Variants in C2orf76 observed in about 807,000 individuals in gnomAD.
The protein encoded by C2orf76 is chromosome 2 open reading frame 76.
A neutral mutation model predicts 16.9 loss-of-function variants in C2orf76; 23 were observed. The ratio of observed to expected loss-of-function variants is 1.36; its 90% confidence interval spans 0.98 to 1.93. The LOEUF is 1.93. C2orf76 is among the 30% of genes most tolerant of loss of function. The pLI is 0.00. For synonymous variants in C2orf76, 48 were observed against 52.3 expected (o/e 0.92, Z 0.35); for missense variants, 152 against 152.6 (o/e 1.00, Z 0.02).
At chr2:119,281,546 T>A in the C2orf76 span, among the ~76,000 whole-genome samples, 3 of 151,782 alleles carry the variant, frequency 2.0e-5, no homozygotes, top group African/African-American at 7.3e-5. Context: ...AGAATGAGAA[T>A]GACAGAGAGA....
At chr2:119,308,900 C>A (rs1678883582) in intron 5 of C2orf76, among the ~76,000 whole-genome samples, 1 of 152,126 alleles carries the variant, frequency 6.6e-6, no homozygotes, top group Non-Finnish European at 1.5e-5. Context: ...ATATTCATTC[C>A]CGACGGTGGT....
At chr2:119,361,664 C>T (rs1680747837) in intron 1 of C2orf76, among the ~76,000 whole-genome samples, 1 of 152,020 alleles carries the variant, frequency 6.6e-6, no homozygotes, top group East Asian at 1.9e-4. Context: ...TTTTGGCATC[C>T]ATAGGAGGTC....
At chr2:119,297,533 G>A (rs548168674), downstream of C2orf76, among the ~76,000 whole-genome samples, 1 of 152,268 alleles carries the variant, frequency 6.6e-6, no homozygotes, top group South Asian at 2.1e-4. Context: ...TTGAGACAAG[G>A]TCTGGCTCTA....
chr2:119,288,366 T>G, the C2orf76 span, among the ~76,000 whole-genome samples: 7,246 of 151,762 alleles, frequency 0.048, 280 homozygotes, highest in East Asian at 0.13. Flanking sequence ...CCGTGGTCTC[T>G]ATCTCCTGAC....
chr2:119,305,623 C>T (rs1409602929), intron 5 of C2orf76, among the ~76,000 whole-genome samples: 1 of 152,026 alleles, frequency 6.6e-6, no homozygotes, highest in Non-Finnish European at 1.5e-5. Context: ...TAACTGCACA[C>T]TGTTGACAAA....
chr2:119,334,162 G>C (rs538114207), intron 2 of C2orf76, among the ~76,000 whole-genome samples: 73 of 152,178 alleles, frequency 4.8e-4, no homozygotes, highest in African/African-American at 1.7e-3. Flanking sequence ...TTCCAATTCA[G>C]TGACATTCTG....
intron 1 of C2orf76, among the ~76,000 whole-genome samples, chr2:119,349,074 A>G (rs1366264444): frequency 1.3e-5 from 2 of 152,242 alleles, no homozygotes; most frequent in Non-Finnish European, 2.9e-5. Flanking sequence ...ACATGTGAAC[A>G]TAAGCATGGA....
chr2:119,317,991 C>T (rs1402831567), intron 3 of C2orf76, among the ~76,000 whole-genome samples: 4 of 152,096 alleles, frequency 2.6e-5, no homozygotes, highest in Non-Finnish European at 5.9e-5. Flanking sequence ...CTAGGACCAC[C>T]GGGAATCTGA....
chr2:119,282,516 T>C, the C2orf76 span, among the ~76,000 whole-genome samples: 2 of 152,208 alleles, frequency 1.3e-5, no homozygotes, highest in African/African-American at 4.8e-5. Flanking sequence ...TTTAGCCACT[T>C]GAGACGCCTG....
At chr2:119,366,950 T>A (rs1317318625), upstream of C2orf76, 1 of 1,473,078 alleles carries the variant, frequency 6.8e-7, no homozygotes, top group Non-Finnish European at 9.4e-7. Flanking sequence ...TTGGGGCGAG[T>A]GGACCGCGCC....
At chr2:119,296,491 CA>C in the C2orf76 span, among the ~76,000 whole-genome samples, 1 of 152,204 alleles carries the variant, frequency 6.6e-6, no homozygotes, top group Non-Finnish European at 1.5e-5. Flanking sequence ...GTCCCAAGTA[CA>C]GATCCTTGGA....
chr2:119,328,342 GT>G (rs1251166261), intron 2 of C2orf76, among the ~76,000 whole-genome samples: 1 of 152,034 alleles, frequency 6.6e-6, no homozygotes, highest in Non-Finnish European at 1.5e-5. Context: ...AGCTTTGATA[GT>G]TTGGGTCTTT....
At chr2:119,346,639 G>C (rs1408749109) in intron 1 of C2orf76, among the ~76,000 whole-genome samples, 1 of 152,166 alleles carries the variant, frequency 6.6e-6, no homozygotes, top group Non-Finnish European at 1.5e-5. Context: ...GTTAGGGGAA[G>C]AGGGGGAAAG....
chr2:119,288,291 G>A, the C2orf76 span, among the ~76,000 whole-genome samples: 5 of 151,642 alleles, frequency 3.3e-5, no homozygotes, highest in South Asian at 2.1e-4. Flanking sequence ...CGAGTAGCTC[G>A]GACTACAGGC....
chr2:119,307,357 T>C (rs1351384802), intron 5 of C2orf76, among the ~76,000 whole-genome samples: 1 of 151,814 alleles, frequency 6.6e-6, no homozygotes, highest in Non-Finnish European at 1.5e-5. Flanking sequence ...GAGAATCACT[T>C]GAACCTGGGA....
At chr2:119,312,120 C>T (rs1472251629) in intron 4 of C2orf76, among the ~76,000 whole-genome samples, 1 of 152,238 alleles carries the variant, frequency 6.6e-6, no homozygotes, top group Non-Finnish European at 1.5e-5. Flanking sequence ...TGAGCACTCT[C>T]TCTTAGCTGT....
intron 1 of C2orf76, among the ~76,000 whole-genome samples, chr2:119,361,823 A>G (rs1042544975): frequency 2.0e-5 from 3 of 151,388 alleles, no homozygotes; most frequent in African/African-American, 7.3e-5. Context: ...GTCAATCTAT[A>G]TAGTTAGCTC....
intron 2 of C2orf76, among the ~76,000 whole-genome samples, chr2:119,324,828 C>T (rs559725683): frequency 1.3e-5 from 2 of 152,234 alleles, no homozygotes; most frequent in African/African-American, 2.4e-5. Context: ...GAGATAAGAG[C>T]TTTAACCAAA....
chr2:119,281,500 C>A, the C2orf76 span, among the ~76,000 whole-genome samples: 2 of 145,260 alleles, frequency 1.4e-5, no homozygotes, highest in African/African-American at 5.3e-5. Flanking sequence ...CAGAGTGAGA[C>A]CCTACCACAA....
Sources: gnomAD v4.1 joint callset for allele counts (sites outside exome capture counted in the v4.1 genomes callset) on GRCh38, gnomAD v4.1.1 for gene constraint, MANE v1.5 for transcripts, NCBI Gene and HGNC (gene_info 2026-07-23, HGNC 2026-07-21) for gene names.